Variants in CASK observed in about 807,000 individuals in gnomAD.
The protein encoded by CASK is calcium/calmodulin dependent serine protein kinase, also known as peripheral plasma membrane protein CASK.
Under a neutral mutation model 82.9 loss-of-function variants are expected in CASK, and 4 were observed. That is an observed-to-expected ratio of 0.05 (90% CI 0.02 to 0.11). CASK has a LOEUF of 0.11. Among genes scored for constraint, CASK ranks in the 10% least tolerant of loss-of-function variants. CASK has a pLI of 1.00. For missense variants in CASK, 358 were observed against 720.9 expected, an observed-to-expected ratio of 0.50 and a Z score of 5.76; for synonymous variants, 259 against 253.5, an observed-to-expected ratio of 1.02 and a Z score of -0.20.
chrX:41,881,951 C>T (rs1381881822), intron 1 of CASK, among the ~76,000 whole-genome samples: 2 of 111,246 alleles, frequency 1.8e-5, no homozygotes, highest in Non-Finnish European at 3.8e-5. Flanking sequence ...GCTTACAACT[C>T]TCTGAGCCTT....
rs747454453 is a variant in CASK at position 41,671,415 on chromosome X, A to T, written c.532+13T>A. 164 of 968,724 alleles carry T rather than the reference A, an allele frequency of 1.7e-4. No homozygotes were observed. Among genetic ancestry groups the T allele is most frequent in the Non-Finnish European group, 2.2e-4 (148 of 681,050 alleles). The allele number at this position is 968,724 out of a possible 1,213,427, so 79.8% of individuals were successfully genotyped here. On this transcript the variant is annotated intron_variant, in intron 6 of 26. Transcript: ENST00000378163. ...AGGTTTTGAAGAATTTTTTTTTTTT[A>T]AAGCAGTCTTACCTCCAGCTACAAG...
chrX:41,693,347 C>T (rs1052592157), intron 5 of CASK, among the ~76,000 whole-genome samples: 2 of 111,699 alleles, frequency 1.8e-5, no homozygotes, highest in African/African-American at 3.3e-5. Flanking sequence ...GGCATAGTGG[C>T]TCACACCTGT....
chrX:41,531,180 C>G lies in CASK; in HGVS notation c.2347G>C (p.Glu783Gln). The change falls in exon 25 of 27, where the codon GAA (glutamate) becomes CAA (glutamine). Residue 783 changes from glutamate (E) to glutamine (Q), a missense_variant. Physicochemically the swap from Glu to Gln is conservative, Grantham distance 29. Coordinates refer to ENST00000378163, the MANE Select transcript of CASK (RefSeq NM_001367721.1). Reference protein sequence around the residue: ...HTTRPPKKDEENGKNYYFVSH... With the variant: ...HTTRPPKKDEQNGKNYYFVSH... ...ACAAAGTAATAATTCTTTCCATTTT[C>G]TTCGTCTTTCTTTGGAGGTCTGGTT... 1 of 1,210,470 alleles carries G rather than the reference C, an allele frequency of 8.3e-7. No homozygotes were observed. The highest frequency in any genetic ancestry group is 1.1e-6 in the Non-Finnish European group (1 of 894,352).
At chrX:41,865,153 G>A (rs1166468699) in intron 1 of CASK, among the ~76,000 whole-genome samples, 1 of 111,569 alleles carries the variant, frequency 9.0e-6, no homozygotes, top group Non-Finnish European at 1.9e-5. Flanking sequence ...CTTTTAACGA[G>A]TTTCCCATGG....
chrX:41,718,698 G>A (rs759236269), intron 5 of CASK, among the ~76,000 whole-genome samples: 1 of 111,713 alleles, frequency 9.0e-6, no homozygotes, highest in Non-Finnish European at 1.9e-5. Flanking sequence ...CATTGTTACC[G>A]ATCATGGGTT....
intron 5 of CASK, among the ~76,000 whole-genome samples, chrX:41,672,043 C>G (rs762849774): frequency 9.0e-6 from 1 of 111,081 alleles, no homozygotes; most frequent in South Asian, 3.9e-4. Flanking sequence ...ACCCTTAAGC[C>G]AAGGAGTACT....
At chrX:41,555,773 T>C (rs1602256076) in intron 19 of CASK, 138 bp from the exon 20 acceptor site, 1 of 492,869 alleles carries the variant, frequency 2.0e-6, no homozygotes, top group Non-Finnish European at 3.6e-6. Context: ...CATTATTCCA[T>C]TTATCAGAAA....
intron 1 of CASK, among the ~76,000 whole-genome samples, chrX:41,861,870 C>T (rs1464604766): frequency 1.0e-5 from 1 of 97,957 alleles, no homozygotes; most frequent in Non-Finnish European, 2.0e-5. Flanking sequence ...GTATAATATA[C>T]ATACAGTATA....
rs184292587 is a variant in CASK, at chrX:41,869,949, C to T, written c.60-16722G>A. On this transcript the variant is annotated intron_variant, in intron 1 of 26. Transcript: ENST00000378163. ...ATCCAGAATACACCATGGAGAAAAA[C>T]AAAAAGGTGAAAAACACAGAATTAG... 1.3e-4 allele frequency among the ~76,000 whole-genome samples: 13 copies of T among 99,353 alleles called. 1 individual carries two copies. The allele number at this position is 99,353 out of a possible 115,157, so 86.3% of individuals were successfully genotyped here. A position where few individuals can be genotyped will look rare whatever the true frequency, so the allele number is the denominator to read the frequency against.
chrX:41,530,900 G>A lies in CASK; in HGVS notation c.2520+107C>T, dbSNP rs187522969. ...TTACTGATACTTTTCTGTGGTTTAT[G>A]AAATTATTATGTGACCTGTGACTTT... On this transcript the variant is annotated intron_variant, in intron 25 of 26. Coordinates refer to ENST00000378163, the MANE Select transcript of CASK (RefSeq NM_001367721.1). 4 of 730,199 alleles carry A rather than the reference G, an allele frequency of 5.5e-6. No individual in the cohort carries two copies. In the African/African-American group the frequency reaches 8.4e-5, roughly 15 times the overall value. 60.2% of individuals were successfully genotyped at this position (730,199 alleles called of 1,213,427 possible). A position where few individuals can be genotyped will look rare whatever the true frequency, so the allele number is the denominator to read the frequency against.
Position 41,923,072 on chromosome X carries a change from G to A in CASK, c.-84C>T. 2 of 891,628 alleles carry A rather than the reference G, an allele frequency of 2.2e-6. No homozygotes were observed. Among genetic ancestry groups the A allele is most frequent in the Non-Finnish European group, 3.3e-6 (2 of 612,477 alleles). The allele number at this position is 891,628 out of a possible 1,213,427, so 73.5% of individuals were successfully genotyped here. A position where few individuals can be genotyped will look rare whatever the true frequency, so the allele number is the denominator to read the frequency against. Reference sequence around the variant, plus strand: ...CCAAGAGCTCAGTGCCCAGCCCCGGGATCGCCTCCTCCCCTCAGGACCCGC... The same window carrying A: ...CCAAGAGCTCAGTGCCCAGCCCCGGAATCGCCTCCTCCCCTCAGGACCCGC... On this transcript the variant is annotated 5_prime_UTR_variant, in exon 1 of 27. Transcript: ENST00000378163.
At chrX:41,642,552 A>G in intron 8 of CASK, among the ~76,000 whole-genome samples, 1 of 112,203 alleles carries the variant, frequency 8.9e-6, no homozygotes. Flanking sequence ...TTCTTTTGAG[A>G]AGTGTCTGTT....
chrX:41,923,017 G>C lies in CASK; in HGVS notation c.-29C>G. ...CCGGAGGGGATAGCGGCCGCAGCGT[G>C]GAGGGCTTCGAAAACGGGGGTGGGG... is the stretch of plus-strand genomic sequence containing the variant. On this transcript the variant is annotated 5_prime_UTR_variant, in exon 1 of 27. Coordinates refer to ENST00000378163, the MANE Select transcript of CASK (RefSeq NM_001367721.1). The C allele has an allele frequency of 8.4e-7, 1 of 1,196,985 alleles. No individual in the cohort carries two copies. Among genetic ancestry groups the C allele is most frequent in the East Asian group, 3.0e-5 (1 of 33,701 alleles).
At chrX:41,610,375 T>G (rs1293851372) in intron 11 of CASK, among the ~76,000 whole-genome samples, 2 of 111,870 alleles carry the variant, frequency 1.8e-5, no homozygotes, top group African/African-American at 6.5e-5. Flanking sequence ...GACTCCAAGA[T>G]GTTCTGAAAT....
chrX:41,903,724 C>T (rs1251779973), intron 1 of CASK, among the ~76,000 whole-genome samples: 1 of 111,409 alleles, frequency 9.0e-6, no homozygotes, highest in Non-Finnish European at 1.9e-5. Context: ...GATTGAGACT[C>T]TTAGATCAGT....
chrX:41,833,277 A>G (rs181738697), intron 2 of CASK, among the ~76,000 whole-genome samples: 2 of 112,118 alleles, frequency 1.8e-5, no homozygotes, highest in Admixed American at 9.5e-5. Context: ...TAATGAATCG[A>G]TATATATCTA....
rs747151105 is a variant in CASK at position 41,534,750 on chromosome X, G to C, written c.2273C>G (p.Thr758Ser). 8.3e-7 allele frequency: 1 copy of C among 1,209,947 alleles called. No homozygotes were observed. Among genetic ancestry groups the C allele is most frequent in the East Asian group, 3.0e-5 (1 of 33,844 alleles). The change falls in exon 24 of 27, where the codon ACT (threonine) becomes AGT (serine). Residue 758 changes from threonine (T) to serine (S), a missense_variant. Physicochemically the swap from Thr to Ser is moderately conservative, Grantham distance 58 (BLOSUM62 1). Coordinates refer to ENST00000378163, the MANE Select transcript of CASK (RefSeq NM_001367721.1). Reference protein sequence around the residue: ...HGVGRRHIKNTLITKHPDRFA... With the variant: ...HGVGRRHIKNSLITKHPDRFA... ...CCGGTCTGGGTGCTTTGTGATGAGA[G>C]TGTTTTTTATGTGTCTTCTCCCAAC...
intron 3 of CASK, among the ~76,000 whole-genome samples, chrX:41,763,758 C>A (rs1448187046): frequency 8.9e-6 from 1 of 111,934 alleles, no homozygotes; most frequent in East Asian, 2.8e-4. Context: ...AACTCCTGGT[C>A]ATCCTTCAAT....
At chrX:41,886,609 G>A (rs1359195494) in intron 1 of CASK, among the ~76,000 whole-genome samples, 1 of 111,673 alleles carries the variant, frequency 9.0e-6, no homozygotes, top group African/African-American at 3.2e-5. Context: ...AAATGCTAAA[G>A]GATAGTTTTA....
Sources: gnomAD v4.1 joint callset for allele counts (sites outside exome capture counted in the v4.1 genomes callset) on GRCh38, gnomAD v4.1.1 for gene constraint, MANE v1.5 for transcripts, NCBI Gene and HGNC (gene_info 2026-07-23, HGNC 2026-07-21) for gene names.